HMCN1: variants seen among roughly 807,000 people sequenced by gnomAD.
HMCN1 encodes the protein hemicentin-1.
In HMCN1, 321 loss-of-function variants were observed where a neutral mutation model predicts 625.9. That is an observed-to-expected ratio of 0.51 (90% CI 0.47 to 0.56). The LOEUF is 0.56. Ranked by LOEUF, HMCN1 falls within the 20% of genes least tolerant of loss-of-function variation. The pLI is 0.00. For missense variants in HMCN1, 6,588 were observed against 6,887.3 expected, an observed-to-expected ratio of 0.96 and a Z score of 1.54; for synonymous variants, 2,425 against 2,417.6, an observed-to-expected ratio of 1.00 and a Z score of -0.09.
rs533111491 is a variant in HMCN1 at position 185,743,955 on chromosome 1, G to T, written c.268+8908G>T. 4.1e-5 allele frequency among the ~76,000 whole-genome samples: 6 copies of T among 146,850 alleles called. No individual in the cohort carries two copies. The East Asian group carries it at 1.2e-3, about 30-fold the overall frequency. Reference sequence around the variant, plus strand: ...AAGACTAAAAAATTACATAGAAAAAGATTCTACTTGATGACTTTACTGTTT... The same window carrying T: ...AAGACTAAAAAATTACATAGAAAAATATTCTACTTGATGACTTTACTGTTT... On this transcript the variant is annotated intron_variant, in intron 1 of 106. Transcript: ENST00000271588.
chr1:186,095,117 C>A (rs369379624), intron 67 of HMCN1, 126 bp from the exon 68 acceptor site: 5 of 920,916 alleles, frequency 5.4e-6, no homozygotes, highest in African/African-American at 1.7e-5. Flanking sequence ...AGTTATTATA[C>A]ACAATTTTAA....
Position 186,136,648 on chromosome 1 carries a change from CTA to C in HMCN1, c.13313-18_13313-17del. On this transcript the variant is annotated intron_variant, in intron 86 of 106. Coordinates refer to ENST00000271588, the MANE Select transcript of HMCN1 (RefSeq NM_031935.3). ...CTGTAACTCCACAAAAACTGAGACA[CTA>C]TGTGCTTTTTTCCGTAGGTCCTCCT... is the stretch of plus-strand genomic sequence containing the variant. The C allele has an allele frequency of 6.2e-7, 1 of 1,613,090 alleles. No individual in the cohort carries two copies. The highest frequency in any genetic ancestry group is 8.5e-7 in the Non-Finnish European group (1 of 1,179,192).
intron 1 of HMCN1, among the ~76,000 whole-genome samples, chr1:185,841,258 A>AAAAAATGGT (rs1661462053): frequency 6.6e-6 from 1 of 152,192 alleles, no homozygotes; most frequent in Non-Finnish European, 1.5e-5. Flanking sequence ...TTTTAAAAAT[A>AAAAAATGGT]AAAAATGGTT....
At chr1:185,970,960 A>G (rs1411227891) in intron 15 of HMCN1, among the ~76,000 whole-genome samples, 1 of 152,020 alleles carries the variant, frequency 6.6e-6, no homozygotes, top group African/African-American at 2.4e-5. Flanking sequence ...ACACTGGGCC[A>G]CTTTCTAGGT....
intron 49 of HMCN1, among the ~76,000 whole-genome samples, chr1:186,067,017 C>G (rs1658161342): frequency 6.6e-6 from 1 of 152,162 alleles, no homozygotes; most frequent in South Asian, 2.1e-4. Context: ...CCCATAAGCA[C>G]TTAAAATACA....
At chr1:186,114,530 A>G (rs1181508162) in intron 73 of HMCN1, among the ~76,000 whole-genome samples, 1 of 152,166 alleles carries the variant, frequency 6.6e-6, no homozygotes, top group Admixed American at 6.5e-5. Context: ...CAGTGCTGGG[A>G]TTACAGCCTT....
intron 40 of HMCN1, 140 bp downstream of exon 40, chr1:186,041,276 T>C: frequency 1.2e-6 from 1 of 826,568 alleles, no homozygotes; most frequent in South Asian, 1.4e-5. Flanking sequence ...TCAAATCAAA[T>C]TCTCTTTCTG....
chr1:186,144,515 C>CT lies in HMCN1; in HGVS notation c.14096-13dup. The CT allele has an allele frequency of 6.2e-7, 1 of 1,614,002 alleles. No homozygotes were observed. On this transcript the variant is annotated splice_polypyrimidine_tract_variant and intron_variant, in intron 90 of 106. Coordinates refer to ENST00000271588, the MANE Select transcript of HMCN1 (RefSeq NM_031935.3). ...TCCTAGGTAGTAAGAAAGCATGTAC[C>CT]TTTTTCCCTTATTCCAGTTCATGGC...
intron 37 of HMCN1, 28 bp from the exon 38 acceptor site, chr1:186,038,801 A>G (rs763028794): frequency 2.3e-5 from 34 of 1,471,558 alleles, no homozygotes; most frequent in Non-Finnish European, 3.1e-5. Context: ...ATTTTTACAT[A>G]GATCATCTTC....
At chr1:185,773,179 G>C (rs1656363397) in intron 1 of HMCN1, among the ~76,000 whole-genome samples, 1 of 152,140 alleles carries the variant, frequency 6.6e-6, no homozygotes, top group Admixed American at 6.6e-5. Flanking sequence ...ATTGGCTGGA[G>C]ACATTTTTGG....
intron 4 of HMCN1, among the ~76,000 whole-genome samples, chr1:185,893,817 A>G (rs985922121): frequency 2.0e-5 from 3 of 152,250 alleles, no homozygotes; most frequent in East Asian, 1.9e-4. Context: ...AAAAGTGCAC[A>G]TAAGCATACA....
At chr1:185,973,446 G>T (rs1310431863) in intron 15 of HMCN1, among the ~76,000 whole-genome samples, 1 of 151,948 alleles carries the variant, frequency 6.6e-6, no homozygotes, top group African/African-American at 2.4e-5. Flanking sequence ...GCATAAAATT[G>T]TTCATTTGAG....
At chr1:185,818,076 C>G (rs1659953368) in intron 1 of HMCN1, among the ~76,000 whole-genome samples, 1 of 152,158 alleles carries the variant, frequency 6.6e-6, no homozygotes, top group Non-Finnish European at 1.5e-5. Flanking sequence ...CAGAAGCCTT[C>G]CTTAGATTTC....
chr1:185,896,567 A>G (rs1382935014), intron 4 of HMCN1, among the ~76,000 whole-genome samples: 1 of 152,232 alleles, frequency 6.6e-6, no homozygotes, highest in Non-Finnish European at 1.5e-5. Flanking sequence ...ATTTTAATAC[A>G]AAATTTGAAA....
chr1:185,761,878 C>A (rs1473437782), intron 1 of HMCN1, among the ~76,000 whole-genome samples: 3 of 151,932 alleles, frequency 2.0e-5, no homozygotes, highest in African/African-American at 7.3e-5. Context: ...AATTAATCCC[C>A]CCAGGTGCTA....
chr1:185,813,454 T>G (rs1659653516), intron 1 of HMCN1, among the ~76,000 whole-genome samples: 1 of 152,194 alleles, frequency 6.6e-6, no homozygotes, highest in African/African-American at 2.4e-5. Flanking sequence ...AATCATATTC[T>G]GATTACTCTT....
chr1:185,916,183 C>T (rs972169392), intron 6 of HMCN1, among the ~76,000 whole-genome samples: 1 of 152,016 alleles, frequency 6.6e-6, no homozygotes, highest in Non-Finnish European at 1.5e-5. Context: ...AATCTAGCTT[C>T]TATGATTGTG....
At chr1:185,813,017 T>C (rs1313166967) in intron 1 of HMCN1, among the ~76,000 whole-genome samples, 2 of 152,196 alleles carry the variant, frequency 1.3e-5, no homozygotes, top group African/African-American at 4.8e-5. Flanking sequence ...TTGCATCTGA[T>C]TGAAGTGATA....
intron 4 of HMCN1, among the ~76,000 whole-genome samples, chr1:185,876,434 G>A (rs1663936445): frequency 6.6e-6 from 1 of 151,902 alleles, no homozygotes; most frequent in African/African-American, 2.4e-5. Context: ...TCCAGTAGTG[G>A]GTTTGCTGGG....
Sources: allele counts gnomAD v4.1 joint callset (sites outside exome capture counted in the v4.1 genomes callset), GRCh38; gene constraint gnomAD v4.1.1; transcripts MANE v1.5; gene names NCBI Gene and HGNC (gene_info 2026-07-23, HGNC 2026-07-21).